The following TUT1 variants were observed in gnomAD, a reference collection of about 807,000 sequenced individuals.
TUT1 encodes the protein terminal uridylyl transferase 1, U6 snRNA-specific.
A neutral mutation model predicts 48.8 loss-of-function variants in TUT1; 26 were observed. That is an observed-to-expected ratio of 0.53 (90% CI 0.39 to 0.74). The LOEUF (loss-of-function observed/expected upper bound fraction) is 0.74, where lower values mean the gene tolerates loss of function less well. Ranked by LOEUF, TUT1 falls within the 30% of genes least tolerant of loss-of-function variation. The pLI, the probability that TUT1 is intolerant of heterozygous loss-of-function variation, is 0.00. For missense variants in TUT1, 1,065 were observed against 1,114.8 expected, an observed-to-expected ratio of 0.96 and a Z score of 0.64; for synonymous variants, 470 against 460.8, an observed-to-expected ratio of 1.02 and a Z score of -0.26.
At chr11:62,588,929 G>C in intron 2 of TUT1, 102 bp downstream of exon 2, 1 of 1,123,466 alleles carries the variant, frequency 8.9e-7, no homozygotes, top group Non-Finnish European at 1.3e-6. Flanking sequence ...CCTAACCTCA[G>C]GTAATCCGCC....
In TUT1 at chr11:62,575,794, G is replaced by A. The variant is rs1361988372; in HGVS notation, c.1925C>T (p.Thr642Met). The A allele has an allele frequency of 3.7e-6, 6 of 1,614,008 alleles. No homozygotes were observed. Among genetic ancestry groups the A allele is most frequent in the African/African-American group, 1.3e-5 (1 of 74,910 alleles). The change falls in exon 9 of 9, where the codon ACG (threonine) becomes ATG (methionine). Residue 642 changes from threonine (T) to methionine (M), a missense_variant. Thr to Met is a moderately conservative substitution (Grantham distance 81). Coordinates refer to ENST00000476907, the MANE Select transcript of TUT1 (RefSeq NM_022830.3). ...GCHIEQATKR[T>M]RSEGGGTGES... ...CCCAGTTCCACCTCCTTCTGACCGC[G>A]TTCTCTTGGTTGCCTGTTCTATATG...
At chr11:62,582,933 C>T (rs1185560922) in intron 2 of TUT1, among the ~76,000 whole-genome samples, 1 of 151,886 alleles carries the variant, frequency 6.6e-6, no homozygotes, top group African/African-American at 2.4e-5. Context: ...TAGAGACCAT[C>T]CTGGCTAACA....
At position 62,578,979 on chromosome 11, in the gene TUT1, G is replaced by C. The variant is rs774921483; in HGVS notation, c.742C>G (p.Pro248Ala). Residue 248 changes from proline (P) to alanine (A), a missense_variant, in exon 5 of 9, where the codon CCA becomes GCA. Transcript: ENST00000476907. ...CAGGCCAGGGCTTGAGGGTCCAGTG[G>C]GGAAGCCAGGGCCGAGTCCAGCGAT... ...SPSLDSALAS[P>A]LDPQALACTP... 3 of 1,523,320 alleles carry C rather than the reference G, an allele frequency of 2.0e-6. No homozygotes were observed. In the South Asian group the frequency reaches 4.0e-5, roughly 20 times the overall value. 94.4% of individuals were successfully genotyped at this position (1,523,320 alleles called of 1,614,324 possible). A position where few individuals can be genotyped will look rare whatever the true frequency, so the allele number is the denominator to read the frequency against.
intron 2 of TUT1, among the ~76,000 whole-genome samples, chr11:62,583,512 T>C (rs1402819932): frequency 2.0e-5 from 3 of 151,722 alleles, no homozygotes; most frequent in Admixed American, 2.0e-4. Context: ...AGGAGGCAAT[T>C]GCTTGAACCC....
Position 62,578,855 on chromosome 11 carries a change from G to A in TUT1, c.866C>T (p.Thr289Ile). Residue 289 changes from threonine to isoleucine, a missense_variant, in exon 5 of 9, where the codon ACT becomes ATT. Transcript: ENST00000476907. ...ETPSSSLAPQ[T>I]PDSALASETL... ...CTCGGAGGCCAAGGCAGAGTCCGGAGTTTGGGGCGCCAGGGAGGAGGAAGG... is the reference window on the plus strand; with the variant it reads ...CTCGGAGGCCAAGGCAGAGTCCGGAATTTGGGGCGCCAGGGAGGAGGAAGG... 1 of 1,613,032 alleles carries A rather than the reference G, an allele frequency of 6.2e-7. No individual in the cohort carries two copies. Among genetic ancestry groups the A allele is most frequent in the Non-Finnish European group, 8.5e-7 (1 of 1,179,304 alleles).
intron 3 of TUT1, 47 bp from the exon 4 acceptor site, chr11:62,581,253 C>G (rs560139267): frequency 7.5e-6 from 12 of 1,593,162 alleles, no homozygotes; most frequent in Non-Finnish European, 1.0e-5. Context: ...TAGGGAGGAG[C>G]AGGGGGAAGA....
chr11:62,591,516 G>A lies in TUT1; in HGVS notation c.-31C>T. ...CTCTCCTGTACCGACAAAAACACAAGCACCTCTGCCACCACCGGAACCCAC... is the reference window on the plus strand; with the variant it reads ...CTCTCCTGTACCGACAAAAACACAAACACCTCTGCCACCACCGGAACCCAC... On this transcript the variant is annotated 5_prime_UTR_variant, in exon 1 of 9. Transcript: ENST00000476907. 4 of 1,613,644 alleles carry A rather than the reference G, an allele frequency of 2.5e-6. No individual in the cohort carries two copies. Among genetic ancestry groups the A allele is most frequent in the South Asian group, 1.1e-5 (1 of 90,958 alleles).
intron 1 of TUT1, 144 bp downstream of exon 1, chr11:62,591,260 C>G: frequency 1.0e-5 from 14 of 1,365,348 alleles, no homozygotes; most frequent in Non-Finnish European, 1.3e-5. Flanking sequence ...CAAATCCCCT[C>G]GGACTTGCAG....
chr11:62,585,249 T>C (rs1183314747), intron 2 of TUT1, among the ~76,000 whole-genome samples: 4 of 152,170 alleles, frequency 2.6e-5, no homozygotes, highest in African/African-American at 9.7e-5. Flanking sequence ...GCCTCCTCAG[T>C]AGCTGGGATG....
intron 2 of TUT1, among the ~76,000 whole-genome samples, chr11:62,586,428 C>A (rs1941916191): frequency 1.3e-5 from 2 of 152,212 alleles, no homozygotes; most frequent in Non-Finnish European, 2.9e-5. Flanking sequence ...AGATTAGATG[C>A]AAGTGTACAT....
chr11:62,590,636 CAAAA>C (rs533721845), intron 1 of TUT1, among the ~76,000 whole-genome samples: 1 of 66,396 alleles, frequency 1.5e-5, no homozygotes. Flanking sequence ...GACTCTGTCT[CAAAA>C]AAAAAAAAAA....
rs539438978 is a variant in TUT1, at chr11:62,578,779, G to T, written c.942C>A (p.Asp314Glu). The T allele has an allele frequency of 6.2e-7, 1 of 1,613,974 alleles. No homozygotes were observed. ...CCTTCCCCAGGTCCCCCTCTTCCCT[G>T]TCCTCTAGCAGTGGTGAAGCTGGAG... ...SLPPASPLLE[D>E]REEGDLGKAS... Residue 314 changes from aspartate (D) to glutamate (E), a missense_variant, in exon 5 of 9, where the codon GAC becomes GAA. Transcript: ENST00000476907.
chr11:62,585,453 G>A (rs181455837), intron 2 of TUT1, among the ~76,000 whole-genome samples: 14 of 152,314 alleles, frequency 9.2e-5, no homozygotes, highest in African/African-American at 3.1e-4. Context: ...GAAATTAAGA[G>A]TCTCTTTCAC....
intron 2 of TUT1, among the ~76,000 whole-genome samples, chr11:62,583,886 C>G (rs1251402665): frequency 6.6e-6 from 1 of 152,304 alleles, no homozygotes; most frequent in South Asian, 2.1e-4. Context: ...GTCTTGTCAA[C>G]AAATTGTGCT....
rs1352169218 is a variant in TUT1 at position 62,578,498 on chromosome 11, TG to T, written c.1160+62del. ...AGGCAGAGGTTGCAGAGAGCCAAGATGGCACCACTGTACTCCAGCCTGGGCA... is the reference window on the plus strand; with the variant it reads ...AGGCAGAGGTTGCAGAGAGCCAAGATGCACCACTGTACTCCAGCCTGGGCA... On this transcript the variant is annotated intron_variant, in intron 5 of 8. Coordinates refer to ENST00000476907, the MANE Select transcript of TUT1 (RefSeq NM_022830.3). 4 of 1,453,888 alleles carry T rather than the reference TG, an allele frequency of 2.8e-6. No homozygotes were observed. In the East Asian group the frequency reaches 7.0e-5, roughly 25 times the overall value. 90.1% of individuals were successfully genotyped at this position (1,453,888 alleles called of 1,614,324 possible).
chr11:62,576,305 C>T, intron 8 of TUT1, 61 bp from the exon 9 acceptor site: 1 of 1,455,256 alleles, frequency 6.9e-7, no homozygotes, highest in Non-Finnish European at 9.0e-7. Flanking sequence ...TGATACAGGT[C>T]CTGCACCAGA....
At chr11:62,590,989 C>T (rs913502273) in intron 1 of TUT1, among the ~76,000 whole-genome samples, 2 of 152,086 alleles carry the variant, frequency 1.3e-5, no homozygotes, top group African/African-American at 4.8e-5. Flanking sequence ...CTCTGTAGGG[C>T]TTCTCTGATT....
chr11:62,577,816 C>A (rs1941754101), intron 5 of TUT1, among the ~76,000 whole-genome samples: 1 of 152,078 alleles, frequency 6.6e-6, no homozygotes, highest in Non-Finnish European at 1.5e-5. Context: ...AATCCCAGCA[C>A]TTTGGGAGGC....
intron 2 of TUT1, among the ~76,000 whole-genome samples, chr11:62,587,156 A>G (rs1941931691): frequency 6.6e-6 from 1 of 151,586 alleles, no homozygotes; most frequent in Non-Finnish European, 1.5e-5. Flanking sequence ...GAAAAAAAAT[A>G]GAGGAGGGGA....
Sources: allele counts gnomAD v4.1 joint callset (sites outside exome capture counted in the v4.1 genomes callset), GRCh38; gene constraint gnomAD v4.1.1; transcripts MANE v1.5; gene names NCBI Gene and HGNC (gene_info 2026-07-23, HGNC 2026-07-21).